Variants in PKHD1L1 observed in about 807,000 individuals in gnomAD.
PKHD1L1 encodes the protein PKHD1 like 1.
In PKHD1L1, 434 loss-of-function variants were observed where a neutral mutation model predicts 462.9. That is an observed-to-expected ratio of 0.94 (90% CI 0.87 to 1.02). The LOEUF is 1.02. Ranked by LOEUF, PKHD1L1 falls within the 50% of genes least tolerant of loss-of-function variation. The pLI, the probability that PKHD1L1 is intolerant of heterozygous loss-of-function variation, is 0.00. For missense variants in PKHD1L1, 5,202 were observed against 5,096.1 expected, an observed-to-expected ratio of 1.02 and a Z score of -0.63; for synonymous variants, 1,781 against 1,750.0, an observed-to-expected ratio of 1.02 and a Z score of -0.44.
intron 9 of PKHD1L1, 76 bp downstream of exon 9, chr8:109,390,570 T>C: frequency 1.2e-6 from 1 of 818,688 alleles, no homozygotes; most frequent in Non-Finnish European, 1.8e-6. Context: ...ATTTAGTTTG[T>C]GCTGTAGATG....
chr8:109,480,608 T>A (rs781726852), intron 55 of PKHD1L1: 1 of 455,564 alleles, frequency 2.2e-6, no homozygotes, highest in South Asian at 1.6e-5. Flanking sequence ...CCACATTCCT[T>A]GTAAACCCCA....
chr8:109,402,114 A>G (rs1455152185), intron 14 of PKHD1L1, among the ~76,000 whole-genome samples: 2 of 152,214 alleles, frequency 1.3e-5, no homozygotes, highest in African/African-American at 2.4e-5. Context: ...GAGTGGGATT[A>G]TCATCCAAAT....
At chr8:109,399,727 T>C (rs1586431621) in intron 12 of PKHD1L1, among the ~76,000 whole-genome samples, 1 of 152,144 alleles carries the variant, frequency 6.6e-6, no homozygotes, top group South Asian at 2.1e-4. Flanking sequence ...GCAACATCAG[T>C]TATATCATAA....
At chr8:109,423,509 T>C (rs1814581262) in intron 23 of PKHD1L1, among the ~76,000 whole-genome samples, 1 of 152,190 alleles carries the variant, frequency 6.6e-6, no homozygotes, top group African/African-American at 2.4e-5. Flanking sequence ...ATACCACACA[T>C]TCTTGACTAT....
chr8:109,404,844 CTT>C (rs1240021326), intron 15 of PKHD1L1, 131 bp downstream of exon 15: 1 of 1,173,878 alleles, frequency 8.5e-7, no homozygotes, highest in Non-Finnish European at 1.2e-6. Flanking sequence ...TAAATTATGA[CTT>C]TGAGTATTTG....
chr8:109,440,918 C>T (rs893069438), intron 33 of PKHD1L1, 66 bp downstream of exon 33: 2 of 1,499,592 alleles, frequency 1.3e-6, no homozygotes, highest in African/African-American at 2.8e-5. Context: ...ACTACAGGTG[C>T]TGAGTTATTA....
At chr8:109,369,326 T>A (rs1811380429) in intron 2 of PKHD1L1, among the ~76,000 whole-genome samples, 1 of 152,202 alleles carries the variant, frequency 6.6e-6, no homozygotes, top group Non-Finnish European at 1.5e-5. Flanking sequence ...CTCCTTTGTA[T>A]TTCTTTTTAA....
chr8:109,368,564 C>A (rs1811340832), intron 2 of PKHD1L1, among the ~76,000 whole-genome samples: 1 of 152,186 alleles, frequency 6.6e-6, no homozygotes. Context: ...TGGTTTAAAT[C>A]TTTAGGAGTT....
At chr8:109,363,920 G>A (rs563380310) in intron 1 of PKHD1L1, among the ~76,000 whole-genome samples, 2 of 152,278 alleles carry the variant, frequency 1.3e-5, no homozygotes, top group African/African-American at 4.8e-5. Context: ...TAAGCCTTTG[G>A]AAAGTTAGGA....
At chr8:109,483,678 C>G (rs1279167736) in intron 57 of PKHD1L1, among the ~76,000 whole-genome samples, 1 of 150,430 alleles carries the variant, frequency 6.6e-6, no homozygotes, top group Non-Finnish European at 1.5e-5. Flanking sequence ...AAAATATGAA[C>G]ATTTTTGGAT....
intron 13 of PKHD1L1, among the ~76,000 whole-genome samples, chr8:109,400,602 T>C (rs979805985): frequency 1.3e-5 from 1 of 76,204 alleles, no homozygotes; most frequent in African/African-American, 3.7e-5. Flanking sequence ...AAAATTCATC[T>C]CTCTATTTTT....
chr8:109,402,877 A>C (rs186097462), intron 14 of PKHD1L1, among the ~76,000 whole-genome samples: 5 of 152,274 alleles, frequency 3.3e-5, no homozygotes, highest in Admixed American at 3.3e-4. Context: ...TCTTAGTAAT[A>C]CTGACATGGG....
chr8:109,423,061 T>C (rs952940240), intron 23 of PKHD1L1, among the ~76,000 whole-genome samples: 1 of 152,218 alleles, frequency 6.6e-6, no homozygotes, highest in African/African-American at 2.4e-5. Flanking sequence ...ATATATGGTT[T>C]GCAAATATTT....
At chr8:109,393,716 G>T (rs527691441) in intron 9 of PKHD1L1, among the ~76,000 whole-genome samples, 1 of 152,286 alleles carries the variant, frequency 6.6e-6, no homozygotes, top group South Asian at 2.1e-4. Context: ...TGTGGTTGAT[G>T]TAAAGATCAA....
Position 109,479,639 on chromosome 8 carries a change from G to C in PKHD1L1, c.9178G>C (p.Gly3060Arg). The change falls in exon 54 of 78, where the codon GGA becomes CGA. Residue 3060 changes from glycine to arginine, a missense_variant and splice_region_variant. Physicochemically the swap from Gly to Arg is moderately radical, Grantham distance 125. Transcript: ENST00000378402. Reference protein sequence around the residue: ...HPGANVIIPEGTWIVADIDMP... With the variant: ...HPGANVIIPERTWIVADIDMP... The stretch of plus-strand genomic sequence containing the variant: ...AGGGGCAAATGTGATTATACCTGAA[G>C]GTAAATGCGTAAACACAAATGAATG... 6.1e-6 allele frequency: 9 copies of C among 1,474,650 alleles called. No individual in the cohort carries two copies. The highest frequency in any genetic ancestry group is 8.4e-6 in the Non-Finnish European group (9 of 1,068,110). The allele number at this position is 1,474,650 out of a possible 1,614,324, so 91.3% of individuals were successfully genotyped here.
At chr8:109,380,981 G>A (rs989372825) in intron 2 of PKHD1L1, among the ~76,000 whole-genome samples, 12 of 151,998 alleles carry the variant, frequency 7.9e-5, no homozygotes, top group South Asian at 2.1e-4. Flanking sequence ...CTGTAACTTC[G>A]AGCCTGTCAT....
At position 109,497,379 on chromosome 8, in the gene PKHD1L1, G is replaced by A. The variant is rs570292078; in HGVS notation, c.10599+107G>A. 218 of 1,278,618 alleles carry A rather than the reference G, an allele frequency of 1.7e-4. 2 individuals are homozygous for A. The African/African-American group carries it at 2.3e-3, about 14-fold the overall frequency. The allele number at this position is 1,278,618 out of a possible 1,614,324, so 79.2% of individuals were successfully genotyped here. A position where few individuals can be genotyped will look rare whatever the true frequency, so the allele number is the denominator to read the frequency against. ...TCTCCTTAACTTCTATCTCTGTCTC[G>A]CCCACACCTCCCTGCCTTTGTTCCC... On this transcript the variant is annotated intron_variant, in intron 65 of 77. Coordinates refer to ENST00000378402, the MANE Select transcript of PKHD1L1 (RefSeq NM_177531.6).
At chr8:109,419,300 A>G (rs755990260) in intron 22 of PKHD1L1, 40 bp downstream of exon 22, 14 of 1,461,996 alleles carry the variant, frequency 9.6e-6, no homozygotes, top group African/African-American at 2.8e-5. Context: ...ATCTAAATAT[A>G]GTAAAATCTT....
chr8:109,525,047 T>A (rs1820747932), intron 76 of PKHD1L1, among the ~76,000 whole-genome samples: 1 of 152,162 alleles, frequency 6.6e-6, no homozygotes, highest in African/African-American at 2.4e-5. Context: ...AAAATTAGAA[T>A]AACAACAAAG....
Sources: gnomAD v4.1 joint callset for allele counts (sites outside exome capture counted in the v4.1 genomes callset) on GRCh38, gnomAD v4.1.1 for gene constraint, MANE v1.5 for transcripts, NCBI Gene and HGNC (gene_info 2026-07-23, HGNC 2026-07-21) for gene names.